Variants in CHRNB2 observed in about 807,000 individuals in gnomAD.
CHRNB2 encodes neuronal acetylcholine receptor subunit beta-2.
A neutral mutation model predicts 42.7 loss-of-function variants in CHRNB2; 33 were observed. The observed-to-expected ratio is 0.77, with a 90% CI of 0.59 to 1.03. The LOEUF is 1.03. Among genes scored for constraint, CHRNB2 ranks in the 50% least tolerant of loss-of-function variants. CHRNB2 has a pLI of 0.00. For missense variants in CHRNB2, 603 were observed against 700.9 expected, an observed-to-expected ratio of 0.86 and a Z score of 1.58; for synonymous variants, 325 against 292.9, an observed-to-expected ratio of 1.11 and a Z score of -1.12.
intron 4 of CHRNB2, 101 bp downstream of exon 4, chr1:154,570,468 G>T: frequency 1.3e-6 from 1 of 761,796 alleles, no homozygotes. Flanking sequence ...GGGAGGGGAG[G>T]GACTTATAAT....
chr1:154,569,861 C>A (rs1414209295), intron 3 of CHRNB2, 25 bp downstream of exon 3: 1 of 1,613,550 alleles, frequency 6.2e-7, no homozygotes, highest in Non-Finnish European at 8.5e-7. Flanking sequence ...TCTCTTCCAC[C>A]CACACCCCTG....
chr1:154,568,900 G>A (rs1276699482), intron 1 of CHRNB2, among the ~76,000 whole-genome samples: 2 of 152,018 alleles, frequency 1.3e-5, no homozygotes, highest in Non-Finnish European at 2.9e-5. Flanking sequence ...TGCCTTTAGG[G>A]AGAGGGGAGG....
At chr1:154,570,662 C>G (rs1571021235) in intron 4 of CHRNB2, among the ~76,000 whole-genome samples, 1 of 152,044 alleles carries the variant, frequency 6.6e-6, no homozygotes, top group East Asian at 1.9e-4. Flanking sequence ...GATTCAGGAA[C>G]AGGCTTTCCT....
Position 154,567,980 on chromosome 1 carries a change from C to A in CHRNB2, c.-65C>A, listed in dbSNP as rs985909497. ...TCAGCACCACGGACAGCGCCCCACCCGCGGCCCTCCCCCCGGCGGCGCGCT... is the reference window on the plus strand; with the variant it reads ...TCAGCACCACGGACAGCGCCCCACCAGCGGCCCTCCCCCCGGCGGCGCGCT... On this transcript the variant is annotated 5_prime_UTR_variant, in exon 1 of 6. Transcript: ENST00000368476. 4 of 1,418,510 alleles carry A rather than the reference C, an allele frequency of 2.8e-6. No homozygotes were observed. The highest frequency in any genetic ancestry group is 3.7e-6 in the Non-Finnish European group (4 of 1,083,066). 87.9% of individuals were successfully genotyped at this position (1,418,510 alleles called of 1,614,324 possible).
rs1343313119 is a variant in CHRNB2 at position 154,577,134 on chromosome 1, G to T, written c.*1202G>T. ...ACCAAACCTGAGCAGCTTTGAAGCA[G>T]AACTTGGGAAGGACAGGGCTGCTGC... On this transcript the variant is annotated 3_prime_UTR_variant, in exon 6 of 6. Coordinates refer to ENST00000368476, the MANE Select transcript of CHRNB2 (RefSeq NM_000748.3). 1 of 152,304 alleles carries T rather than the reference G, an allele frequency of 6.6e-6. No individual in the cohort carries two copies. The highest frequency in any genetic ancestry group is 1.5e-5 in the Non-Finnish European group (1 of 68,096). 9.4% of individuals were successfully genotyped at this position (152,304 alleles called of 1,614,324 possible).
rs538508561 is a variant in CHRNB2 at position 154,571,282 on chromosome 1, C to T, written c.459C>T (p.Ser153=). The T allele has an allele frequency of 6.2e-6, 10 of 1,614,222 alleles. No homozygotes were observed. The highest frequency in any genetic ancestry group is 4.5e-5 in the East Asian group (2 of 44,892). Residue 153 remains serine, a synonymous_variant, in exon 5 of 6, where the codon AGC becomes AGT. Coordinates refer to ENST00000368476, the MANE Select transcript of CHRNB2 (RefSeq NM_000748.3). This position sits in a 1 kb window ranked among gnomAD's most constrained non-coding sequence, Gnocchi z 6.8. ...GGCTGCCGCCTGCCATCTACAAGAG[C>T]GCATGCAAGATTGAAGTAAAGCACT... ...IFWLPPAIYK[S]ACKIEVKHFP...
intron 4 of CHRNB2, among the ~76,000 whole-genome samples, chr1:154,570,656 C>T (rs1696145904): frequency 6.6e-6 from 1 of 152,106 alleles, no homozygotes; most frequent in South Asian, 2.1e-4. Context: ...TCAACTGATT[C>T]AGGAACAGGC....
In CHRNB2 at chr1:154,571,702, C is replaced by A; in HGVS notation, c.879C>A (p.Asp293Glu). The stretch of plus-strand genomic sequence containing the variant: ...AGATCGTGCCTCCCACCTCCCTCGA[C>A]GTGCCGCTCGTCGGCAAGTACCTCA... The part of the protein sequence containing the change: ...ISKIVPPTSL[D>E]VPLVGKYLMF... The change falls in exon 5 of 6, where the codon GAC becomes GAA. Residue 293 changes from aspartate to glutamate, a missense_variant. By Grantham distance (45) the Asp-to-Glu change is conservative (BLOSUM62 2). Coordinates refer to ENST00000368476, the MANE Select transcript of CHRNB2 (RefSeq NM_000748.3). The surrounding 1 kb of genome is among the most constrained non-coding windows in gnomAD (Gnocchi z 6.8). 6.2e-7 allele frequency: 1 copy of A among 1,612,390 alleles called. No individual in the cohort carries two copies. The highest frequency in any genetic ancestry group is 8.5e-7 in the Non-Finnish European group (1 of 1,179,140).
rs1386518341 is a variant in CHRNB2, at chr1:154,576,130, C to CTTTG, written c.*202_*205dup. 7 of 659,936 alleles carry CTTTG rather than the reference C, an allele frequency of 1.1e-5. No homozygotes were observed. The African/African-American group carries it at 1.3e-4, about 12-fold the overall frequency. The allele number at this position is 659,936 out of a possible 1,614,324, so 40.9% of individuals were successfully genotyped here. On this transcript the variant is annotated 3_prime_UTR_variant, in exon 6 of 6. Coordinates refer to ENST00000368476, the MANE Select transcript of CHRNB2 (RefSeq NM_000748.3). ...TCCAACCTGGAGGCTGGACCAACTG[C>CTTTG]TTTGTTTTGGCTGCTCTCCATCTCT...
In CHRNB2 at chr1:154,568,104, C is replaced by T. The variant is rs1442700861; in HGVS notation, c.60C>T (p.Cys20=). 1.9e-6 allele frequency: 3 copies of T among 1,602,496 alleles called. No homozygotes were observed. Among genetic ancestry groups the T allele is most frequent in the Middle Eastern group, 1.7e-4 (1 of 6,038 alleles). The change falls in exon 1 of 6, where the codon TGC becomes TGT. Residue 20 remains cysteine (C), a synonymous_variant. Coordinates refer to ENST00000368476, the MANE Select transcript of CHRNB2 (RefSeq NM_000748.3). ...LLLGFGLLRL[C]SGVWGTDTEE... is the part of the protein sequence containing the mutation. ...TTGGCTTCGGCCTCCTCCGGCTGTGCTCAGGTAAGGGAAAGACGGGCACTG... is the reference window on the plus strand; with the variant it reads ...TTGGCTTCGGCCTCCTCCGGCTGTGTTCAGGTAAGGGAAAGACGGGCACTG...
At chr1:154,568,979 GA>G (rs1388349972) in intron 1 of CHRNB2, among the ~76,000 whole-genome samples, 2 of 151,800 alleles carry the variant, frequency 1.3e-5, no homozygotes, top group East Asian at 3.9e-4. Context: ...TGTAAATGGT[GA>G]ACGGGAACAG....
Position 154,577,696 on chromosome 1 carries a change from C to G in CHRNB2, c.*1764C>G, listed in dbSNP as rs1437768692. On this transcript the variant is annotated 3_prime_UTR_variant, in exon 6 of 6. Coordinates refer to ENST00000368476, the MANE Select transcript of CHRNB2 (RefSeq NM_000748.3). ...TCCCTCCCAGGCCCACTCTTCCCCC[C>G]TCTTCCCTGAGGAAACCAAGTCTCC... is the stretch of plus-strand genomic sequence containing the variant. 2 of 152,272 alleles carry G rather than the reference C, an allele frequency of 1.3e-5. No homozygotes were observed. The highest frequency in any genetic ancestry group is 2.4e-5 in the African/African-American group (1 of 41,444). 9.4% of individuals were successfully genotyped at this position (152,272 alleles called of 1,614,324 possible). A position where few individuals can be genotyped will look rare whatever the true frequency, so the allele number is the denominator to read the frequency against.
At position 154,577,998 on chromosome 1, in the gene CHRNB2, T is replaced by G. The variant is rs1302489900; in HGVS notation, c.*2066T>G. 6.6e-6 allele frequency: 1 copy of G among 152,374 alleles called. No individual in the cohort carries two copies. The highest frequency in any genetic ancestry group is 1.5e-5 in the Non-Finnish European group (1 of 68,136). The allele number at this position is 152,374 out of a possible 1,614,324, so 9.4% of individuals were successfully genotyped here. ...GAGACAGGCCTCAGCGCATCTCGTC[T>G]GTCAGGATGGGCTCACGGACACCTT... On this transcript the variant is annotated 3_prime_UTR_variant, in exon 6 of 6. Transcript: ENST00000368476.
In CHRNB2 at chr1:154,571,733, A is replaced by G. The variant is rs780962241; in HGVS notation, c.910A>G (p.Thr304Ala). 8 of 1,613,984 alleles carry G rather than the reference A, an allele frequency of 5.0e-6. No homozygotes were observed. The highest frequency in any genetic ancestry group is 4.0e-5 in the African/African-American group (3 of 74,910). Residue 304 changes from threonine (T) to alanine (A), a missense_variant, in exon 5 of 6, where the codon ACC (threonine) becomes GCC (alanine). Around this residue, in one of 2 missense-constraint regions of CHRNB2, gnomAD observed 333 missense variants for 452.6 expected, o/e 0.74. Transcript: ENST00000368476. The surrounding 1 kb of genome is among the most constrained non-coding windows in gnomAD (Gnocchi z 6.8). ...VPLVGKYLMF[T>A]MVLVTFSIVT... ...GCTCGTCGGCAAGTACCTCATGTTC[A>G]CCATGGTGCTTGTCACCTTCTCCAT...
intron 5 of CHRNB2, among the ~76,000 whole-genome samples, chr1:154,574,533 C>T (rs1391144958): frequency 2.6e-5 from 4 of 151,848 alleles, no homozygotes; most frequent in Admixed American, 2.0e-4. Flanking sequence ...GTGGGTTTGT[C>T]TGATTGTTTC....
At chr1:154,575,691 G>C (rs575849124) in intron 5 of CHRNB2, 71 bp from the exon 6 acceptor site, 1 of 1,495,930 alleles carries the variant, frequency 6.7e-7, no homozygotes, top group East Asian at 2.3e-5. Context: ...TGTGTGGTGG[G>C]ACCCGCTTAT....
intron 1 of CHRNB2, 83 bp downstream of exon 1, chr1:154,568,191 A>G (rs1696096483): frequency 2.0e-6 from 3 of 1,470,934 alleles, no homozygotes; most frequent in Admixed American, 2.0e-5. Flanking sequence ...CACCCCTGCT[A>G]GGCCGGAAGG....
intron 5 of CHRNB2, 39 bp from the exon 6 acceptor site, chr1:154,575,723 C>A (rs1313907503): frequency 1.2e-6 from 2 of 1,611,598 alleles, no homozygotes; most frequent in South Asian, 1.1e-5. Context: ...TCCCATCCTG[C>A]ATCATGTGAC....
In CHRNB2 at chr1:154,568,066, G is replaced by A. The variant is rs772815972; in HGVS notation, c.22G>A (p.Val8Met). The A allele has an allele frequency of 1.2e-6, 2 of 1,602,488 alleles. No individual in the cohort carries two copies. Among genetic ancestry groups the A allele is most frequent in the East Asian group, 2.3e-5 (1 of 44,348 alleles). MARRCGP[V>M]ALLLGFGLLR... ...CGGCATGGCCCGGCGCTGCGGCCCC[G>A]TGGCGCTGCTCCTTGGCTTCGGCCT... The change falls in exon 1 of 6, where the codon GTG becomes ATG. Residue 8 changes from valine (V) to methionine (M), a missense_variant. Coordinates refer to ENST00000368476, the MANE Select transcript of CHRNB2 (RefSeq NM_000748.3).
Sources: allele counts gnomAD v4.1 joint callset (sites outside exome capture counted in the v4.1 genomes callset), GRCh38; gene constraint gnomAD v4.1.1; regional missense constraint gnomAD v4.1.1; non-coding constraint Gnocchi (gnomAD v3.1); transcripts MANE v1.5; gene names NCBI Gene and HGNC (gene_info 2026-07-23, HGNC 2026-07-21).